Variants in SAMSN1 observed in about 807,000 individuals in gnomAD.
The protein encoded by SAMSN1 is SAM domain-containing protein SAMSN-1.
SAMSN1 carries 31 observed loss-of-function variants against 42.0 expected under a neutral mutation model. The observed-to-expected ratio is 0.74, with a 90% confidence interval of 0.55 to 1.00. The LOEUF (loss-of-function observed/expected upper bound fraction) is 1.00. Among genes scored for constraint, SAMSN1 ranks in the 50% least tolerant of loss-of-function variants. The pLI, the probability that SAMSN1 is intolerant of heterozygous loss-of-function variation, is 0.00. For synonymous variants in SAMSN1, 178 were observed against 151.9 expected, an observed-to-expected ratio of 1.17 and a Z score of -1.26; for missense variants, 464 against 439.4, an observed-to-expected ratio of 1.06 and a Z score of -0.50.
intron 1 of SAMSN1, among the ~76,000 whole-genome samples, chr21:14,644,969 G>A (rs920525428): frequency 6.6e-6 from 1 of 152,178 alleles, no homozygotes; most frequent in Non-Finnish European, 1.5e-5. Context: ...GAAGGCTGGT[G>A]TGGTTTGAGT....
intron 1 of SAMSN1, among the ~76,000 whole-genome samples, chr21:14,544,335 G>A (rs1980247891): frequency 6.6e-6 from 1 of 152,150 alleles, no homozygotes; most frequent in Non-Finnish European, 1.5e-5. Flanking sequence ...ACAGGTGTGA[G>A]CCCATGCACC....
intron 6 of SAMSN1, among the ~76,000 whole-genome samples, chr21:14,500,054 C>T (rs543422415): frequency 8.5e-5 from 13 of 152,074 alleles, no homozygotes; most frequent in South Asian, 2.1e-4. Context: ...AATCATTATG[C>T]GGCTTGATGA....
intron 2 of SAMSN1, among the ~76,000 whole-genome samples, chr21:14,638,279 AATC>A (rs141997771): frequency 0.019 from 2,932 of 152,280 alleles, 46 homozygotes; most frequent in Middle Eastern, 0.034. Context: ...CACTTCATCA[AATC>A]ATCATTACAA....
At chr21:14,592,903 ATT>A (rs1982132372) in intron 7 of SAMSN1, among the ~76,000 whole-genome samples, 1 of 152,102 alleles carries the variant, frequency 6.6e-6, no homozygotes, top group South Asian at 2.1e-4. Context: ...TCCTGTTAGT[ATT>A]TACTGAGGTT....
intron 2 of SAMSN1, among the ~76,000 whole-genome samples, chr21:14,566,948 G>C (rs149804831): frequency 3.9e-5 from 6 of 152,178 alleles, no homozygotes; most frequent in African/African-American, 1.4e-4. Context: ...AGGATATAGA[G>C]ATCATGACCA....
At chr21:14,506,217 C>T (rs1293684373) in intron 5 of SAMSN1, among the ~76,000 whole-genome samples, 1 of 151,666 alleles carries the variant, frequency 6.6e-6, no homozygotes, top group Non-Finnish European at 1.5e-5. Context: ...AAGGAAATAA[C>T]CAAGGTCAGA....
At chr21:14,492,342 T>C (rs1463450747) in intron 7 of SAMSN1, among the ~76,000 whole-genome samples, 2 of 152,212 alleles carry the variant, frequency 1.3e-5, no homozygotes, top group African/African-American at 2.4e-5. Flanking sequence ...CAAATACTTG[T>C]ATGTGTGAGG....
Position 14,485,943 on chromosome 21 carries a change from T to C in SAMSN1, c.1091A>G (p.His364Arg). 1.9e-6 allele frequency: 3 copies of C among 1,613,694 alleles called. No individual in the cohort carries two copies. The highest frequency in any genetic ancestry group is 2.5e-6 in the Non-Finnish European group (3 of 1,179,678). ...ACTTGGCTCTGTGATAATAATCTTA[T>C]GTACCATGTCAGACAGATTTTCAGA... ...LESENLSDMV[H>R]KIIITEPSD Residue 364 changes from histidine to arginine, a missense_variant, in exon 8 of 8, where the codon CAT (histidine) becomes CGT (arginine). Coordinates refer to ENST00000400566, the MANE Select transcript of SAMSN1 (RefSeq NM_022136.5).
intron 1 of SAMSN1, among the ~76,000 whole-genome samples, chr21:14,645,272 G>A (rs1445118113): frequency 6.6e-6 from 1 of 152,222 alleles, no homozygotes; most frequent in Non-Finnish European, 1.5e-5. Flanking sequence ...AGCCACAGGG[G>A]TGCCAGTGTC....
chr21:14,525,776 T>C (rs559668145), intron 1 of SAMSN1, among the ~76,000 whole-genome samples: 96 of 152,330 alleles, frequency 6.3e-4, no homozygotes, highest in African/African-American at 2.3e-3. Context: ...TTTAAAATGT[T>C]CCATAATAAA....
chr21:14,493,574 A>AACACACACAC lies in SAMSN1; in HGVS notation c.919+4858_919+4867dup, dbSNP rs201460166. Among the ~76,000 whole-genome samples, 756 of 102,282 alleles carry AACACACACAC rather than the reference A, an allele frequency of 7.4e-3. 8 individuals carry two copies. The highest frequency in any genetic ancestry group is 0.02 in the African/African-American group (716 of 35,186). 67.1% of individuals were successfully genotyped at this position (102,282 alleles called of 152,430 possible). ...GCCTTGAAGATTGTGTTTATGGAAC[A>AACACACACAC]ACACACACACACACACACACACACA... On this transcript the variant is annotated intron_variant, in intron 7 of 7. Coordinates refer to ENST00000400566, the MANE Select transcript of SAMSN1 (RefSeq NM_022136.5).
chr21:14,608,285 A>T lies in SAMSN1; in HGVS notation c.322+1197T>A, dbSNP rs555574481. On this transcript the variant is annotated intron_variant, in intron 5 of 15. Transcript: ENST00000647101. ...TCCTGGTAGCATCCTCATGGTGCTG[A>T]GAGAGAATATTTGTGCTTGGGGAAG... Among the ~76,000 whole-genome samples, 3 of 152,306 alleles carry T rather than the reference A, an allele frequency of 2.0e-5. No homozygotes were observed. In the East Asian group the frequency reaches 5.8e-4, roughly 29 times the overall value.
chr21:14,498,926 C>A (rs1175417065), intron 6 of SAMSN1, among the ~76,000 whole-genome samples: 1 of 152,208 alleles, frequency 6.6e-6, no homozygotes, highest in Non-Finnish European at 1.5e-5. Flanking sequence ...ACAGAACTAG[C>A]ATTACTTTAA....
At chr21:14,635,641 C>T (rs1268953053) in intron 2 of SAMSN1, among the ~76,000 whole-genome samples, 1 of 152,010 alleles carries the variant, frequency 6.6e-6, no homozygotes, top group Non-Finnish European at 1.5e-5. Context: ...AAAATAACAT[C>T]CAAGATTAAG....
upstream of SAMSN1, among the ~76,000 whole-genome samples, chr21:14,587,145 A>T (rs1460114967): frequency 6.6e-6 from 1 of 152,266 alleles, no homozygotes; most frequent in East Asian, 1.9e-4. Context: ...TCCCAATAGC[A>T]TTCAAATGTG....
At chr21:14,567,799 G>A (rs974032635) in intron 2 of SAMSN1, among the ~76,000 whole-genome samples, 2 of 151,946 alleles carry the variant, frequency 1.3e-5, no homozygotes. Flanking sequence ...GACCTTGGGC[G>A]AGTTCCTCAA....
At chr21:14,623,028 T>G (rs1440495242) in intron 2 of SAMSN1, among the ~76,000 whole-genome samples, 1 of 152,154 alleles carries the variant, frequency 6.6e-6, no homozygotes, top group Non-Finnish European at 1.5e-5. Context: ...CCAAGCTTTA[T>G]AAGTGAAGGA....
chr21:14,491,764 G>C (rs568932150), intron 7 of SAMSN1, among the ~76,000 whole-genome samples: 79 of 152,100 alleles, frequency 5.2e-4, no homozygotes, highest in Non-Finnish European at 1.0e-3. Flanking sequence ...CTGTTGGTCT[G>C]TCCTATGTCA....
intron 7 of SAMSN1, among the ~76,000 whole-genome samples, 161 bp downstream of exon 7, chr21:14,498,281 A>C (rs1986992897): frequency 6.6e-6 from 1 of 152,220 alleles, no homozygotes; most frequent in Non-Finnish European, 1.5e-5. Context: ...TACATATTTG[A>C]CCAGAGTTAT....
Sources: gnomAD v4.1 joint callset for allele counts (sites outside exome capture counted in the v4.1 genomes callset) on GRCh38, gnomAD v4.1.1 for gene constraint, MANE v1.5 for transcripts, NCBI Gene and HGNC (gene_info 2026-07-23, HGNC 2026-07-21) for gene names.